IL1RAPL1: variants seen among roughly 807,000 people sequenced by gnomAD.
IL1RAPL1 encodes the protein interleukin-1 receptor accessory protein-like 1.
Under a neutral mutation model 48.4 loss-of-function variants are expected in IL1RAPL1, and 3 were observed. That is an observed-to-expected ratio of 0.06 (90% CI 0.03 to 0.16). The LOEUF is 0.16. Ranked by LOEUF, IL1RAPL1 falls within the 10% of genes least tolerant of loss-of-function variation. IL1RAPL1 has a pLI of 1.00. For missense variants in IL1RAPL1, 349 were observed against 530.6 expected (o/e 0.66, Z 3.36); for synonymous variants, 185 against 187.7 (o/e 0.99, Z 0.12).
chrX:29,032,738 G>T (rs923589564), intron 2 of IL1RAPL1, among the ~76,000 whole-genome samples: 26 of 87,756 alleles, frequency 3.0e-4, no homozygotes, highest in African/African-American at 1.2e-3. Context: ...CGCTCACGTG[G>T]GCATGCACAC....
intron 2 of IL1RAPL1, among the ~76,000 whole-genome samples, chrX:29,170,176 C>G (rs1386265187): frequency 9.0e-6 from 1 of 111,592 alleles, no homozygotes; most frequent in Non-Finnish European, 1.9e-5. Flanking sequence ...TTTATATCAA[C>G]AATGATCTTT....
chrX:29,807,386 G>A (rs890301062), intron 6 of IL1RAPL1, among the ~76,000 whole-genome samples: 1 of 108,599 alleles, frequency 9.2e-6, no homozygotes, highest in Non-Finnish European at 1.9e-5. Context: ...AGGCTGAGAC[G>A]GGCAAATCAC....
At chrX:29,333,190 G>A (rs1479431252) in intron 3 of IL1RAPL1, among the ~76,000 whole-genome samples, 2 of 106,310 alleles carry the variant, frequency 1.9e-5, no homozygotes, top group African/African-American at 6.8e-5. Context: ...GGTCGTGGCC[G>A]GGCAGAGGGG....
chrX:29,847,128 A>G (rs989020679), intron 6 of IL1RAPL1, among the ~76,000 whole-genome samples: 4 of 111,920 alleles, frequency 3.6e-5, no homozygotes, highest in African/African-American at 1.3e-4. Flanking sequence ...ATTTGAGTCA[A>G]ATGTAGAAAT....
chrX:29,766,478 A>AAT lies in IL1RAPL1; in HGVS notation c.778+97987_778+97988dup, dbSNP rs72187911. 1.1e-3 allele frequency among the ~76,000 whole-genome samples: 106 copies of AAT among 92,342 alleles called. 1 individual carries two copies. The highest frequency in any genetic ancestry group is 8.1e-4 in the Non-Finnish European group (39 of 48,143). 80.2% of individuals were successfully genotyped at this position (92,342 alleles called of 115,157 possible). A position where few individuals can be genotyped will look rare whatever the true frequency, so the allele number is the denominator to read the frequency against. ...AAATATATATATATTTATATATCCAAATATATATATATATTTATATATATA... is the reference window on the plus strand; with the variant it reads ...AAATATATATATATTTATATATCCAAATATATATATATATATTTATATATATA... On this transcript the variant is annotated intron_variant, in intron 6 of 10. Coordinates refer to ENST00000378993, the MANE Select transcript of IL1RAPL1 (RefSeq NM_014271.4).
At chrX:29,510,219 CT>C (rs1935379821) in intron 5 of IL1RAPL1, among the ~76,000 whole-genome samples, 1 of 112,231 alleles carries the variant, frequency 8.9e-6, no homozygotes, top group African/African-American at 3.2e-5. Context: ...ACATTTTATT[CT>C]GCTGTGTATG....
chrX:29,904,765 T>C (rs775461521), intron 6 of IL1RAPL1, among the ~76,000 whole-genome samples: 1 of 111,961 alleles, frequency 8.9e-6, no homozygotes, highest in East Asian at 2.8e-4. Flanking sequence ...CTTTTTCCAG[T>C]CTATCATTGA....
chrX:28,603,600 T>C (rs1005121061), intron 1 of IL1RAPL1, among the ~76,000 whole-genome samples: 4 of 112,054 alleles, frequency 3.6e-5, no homozygotes, highest in African/African-American at 1.3e-4. Context: ...GTTCACCACA[T>C]ATCTTTGGTG....
intron 2 of IL1RAPL1, among the ~76,000 whole-genome samples, chrX:28,858,075 G>A (rs1039997668): frequency 1.8e-5 from 2 of 112,249 alleles, no homozygotes; most frequent in Non-Finnish European, 3.8e-5. Context: ...TTAAGTAACT[G>A]TAGATGTGTT....
chrX:28,711,759 TTA>T (rs934193798), intron 1 of IL1RAPL1, among the ~76,000 whole-genome samples: 3 of 95,988 alleles, frequency 3.1e-5, no homozygotes, highest in African/African-American at 9.1e-5. Flanking sequence ...CATTTATATA[TTA>T]TATATATAAT....
chrX:29,073,790 T>A (rs752636541), intron 2 of IL1RAPL1, among the ~76,000 whole-genome samples: 30 of 111,679 alleles, frequency 2.7e-4, no homozygotes, highest in African/African-American at 7.1e-4. Context: ...TTTATTTTTT[T>A]AAAAATAATC....
intron 1 of IL1RAPL1, among the ~76,000 whole-genome samples, chrX:28,677,704 C>T: frequency 9.0e-6 from 1 of 110,916 alleles, no homozygotes; most frequent in Middle Eastern, 4.7e-3. Flanking sequence ...TCTCCTGCCT[C>T]AGCCTCCTGA....
chrX:29,818,623 G>A (rs1036568049), intron 6 of IL1RAPL1, among the ~76,000 whole-genome samples: 23 of 111,990 alleles, frequency 2.1e-4, no homozygotes, highest in South Asian at 3.7e-4. Context: ...TATTAAGGAC[G>A]TTGGAGTAGG....
intron 1 of IL1RAPL1, among the ~76,000 whole-genome samples, chrX:28,752,958 C>G (rs1936060428): frequency 8.9e-6 from 1 of 112,586 alleles, no homozygotes; most frequent in Non-Finnish European, 1.9e-5. Context: ...ACTACTCTCT[C>G]TTAGGCATCT....
intron 5 of IL1RAPL1, among the ~76,000 whole-genome samples, chrX:29,651,891 C>G (rs1250747717): frequency 9.0e-6 from 1 of 111,325 alleles, no homozygotes; most frequent in African/African-American, 3.3e-5. Context: ...TAGATACATA[C>G]AATGTTATCT....
chrX:29,629,786 GA>G (rs1331332550), intron 5 of IL1RAPL1, among the ~76,000 whole-genome samples: 1 of 111,720 alleles, frequency 9.0e-6, no homozygotes, highest in Non-Finnish European at 1.9e-5. Flanking sequence ...AACAAAGAAC[GA>G]AAAGATCAAA....
intron 2 of IL1RAPL1, among the ~76,000 whole-genome samples, chrX:29,143,881 C>T (rs1012212168): frequency 3.6e-5 from 4 of 111,696 alleles, no homozygotes; most frequent in Admixed American, 9.5e-5. Context: ...GGAATGTATT[C>T]CCGTCAGATA....
intron 2 of IL1RAPL1, among the ~76,000 whole-genome samples, chrX:28,867,007 G>A (rs945681721): frequency 1.8e-5 from 2 of 111,770 alleles, no homozygotes; most frequent in African/African-American, 6.5e-5. Flanking sequence ...ACTGAGGGAT[G>A]GACAATATGA....
At chrX:28,643,236 G>A (rs1386220617) in intron 1 of IL1RAPL1, among the ~76,000 whole-genome samples, 1 of 111,228 alleles carries the variant, frequency 9.0e-6, no homozygotes, top group Admixed American at 9.6e-5. Flanking sequence ...CATAGCATTG[G>A]CAAATTAATG....
Sources: allele counts gnomAD v4.1 joint callset (sites outside exome capture counted in the v4.1 genomes callset), GRCh38; gene constraint gnomAD v4.1.1; transcripts MANE v1.5; gene names NCBI Gene and HGNC (gene_info 2026-07-23, HGNC 2026-07-21).